Variants in SPG21 observed in about 807,000 individuals in gnomAD.
SPG21 encodes maspardin.
A neutral mutation model predicts 38.9 loss-of-function variants in SPG21; 26 were observed. The observed-to-expected ratio is 0.67, with a 90% CI of 0.49 to 0.93. SPG21 has a LOEUF of 0.93. SPG21 is among the 40% of genes least tolerant of loss of function. The pLI is 0.00. For missense variants in SPG21, 333 were observed against 376.5 expected, an observed-to-expected ratio of 0.88 and a Z score of 0.96; for synonymous variants, 136 against 128.9, an observed-to-expected ratio of 1.05 and a Z score of -0.37.
At chr15:64,972,554 T>C (rs1189459622) in intron 5 of SPG21, among the ~76,000 whole-genome samples, 1 of 151,974 alleles carries the variant, frequency 6.6e-6, no homozygotes, top group Non-Finnish European at 1.5e-5. Flanking sequence ...AAAAAATAGC[T>C]GGGCACAGTG....
chr15:64,984,426 C>T (rs770653722), intron 1 of SPG21, among the ~76,000 whole-genome samples: 1 of 152,166 alleles, frequency 6.6e-6, no homozygotes, highest in Non-Finnish European at 1.5e-5. Context: ...AATCACAGCT[C>T]ACCACAGCCT....
intron 5 of SPG21, among the ~76,000 whole-genome samples, chr15:64,973,920 G>C (rs2085723166): frequency 1.3e-5 from 2 of 152,166 alleles, no homozygotes; most frequent in South Asian, 4.1e-4. Context: ...ATTTACTGTA[G>C]AATGTGATGA....
intron 2 of SPG21, among the ~76,000 whole-genome samples, chr15:64,981,847 C>A (rs1409006188): frequency 2.0e-5 from 3 of 152,182 alleles, no homozygotes; most frequent in Non-Finnish European, 4.4e-5. Context: ...AAACATTTGA[C>A]AATGCAAATC....
At chr15:64,969,698 T>G (rs924894027) in intron 6 of SPG21, among the ~76,000 whole-genome samples, 7 of 151,902 alleles carry the variant, frequency 4.6e-5, no homozygotes, top group Middle Eastern at 3.4e-3. Flanking sequence ...TTTTTTTTTT[T>G]TTTTTAAGAT....
chr15:64,969,957 G>C (rs2085627892), intron 6 of SPG21, among the ~76,000 whole-genome samples, 157 bp downstream of exon 6: 1 of 152,140 alleles, frequency 6.6e-6, no homozygotes, highest in South Asian at 2.1e-4. Context: ...CACTGATGTA[G>C]GCAAGCCCTT....
At chr15:64,982,049 T>C (rs2085894741) in intron 2 of SPG21, among the ~76,000 whole-genome samples, 1 of 152,138 alleles carries the variant, frequency 6.6e-6, no homozygotes, top group African/African-American at 2.4e-5. Flanking sequence ...ACAGTTCCCT[T>C]TGGACTTCCA....
Position 64,983,541 on chromosome 15 carries a change from TA to T in SPG21, c.28del (p.Tyr10IlefsTer57). On this transcript the variant is annotated frameshift_variant, in exon 2 of 9. Transcript: ENST00000204566. LOFTEE classifies it high-confidence loss of function. The stretch of plus-strand genomic sequence containing the variant: ...GGGAACTGTACCTCTAAACCAGTTA[TA>T]ATCAGGAGAGACTTTAATCTCTCCC... MGEIKVSPD[Y>X]NWFRGTVPLK... 1 of 1,579,752 alleles carries T rather than the reference TA, an allele frequency of 6.3e-7. No individual in the cohort carries two copies. The highest frequency in any genetic ancestry group is 8.6e-7 in the Non-Finnish European group (1 of 1,158,886).
intron 3 of SPG21, among the ~76,000 whole-genome samples, chr15:64,980,478 G>A (rs761699274): frequency 1.8e-4 from 28 of 152,030 alleles, no homozygotes; most frequent in Non-Finnish European, 3.1e-4. Flanking sequence ...GTGGCTCGTG[G>A]CTGTAATCTC....
intron 7 of SPG21, among the ~76,000 whole-genome samples, chr15:64,968,706 C>A (rs906250800): frequency 5.3e-5 from 8 of 151,994 alleles, no homozygotes; most frequent in Non-Finnish European, 1.2e-4. Context: ...CATTTTACCA[C>A]AATAAAAAAA....
At chr15:64,967,672 C>T (rs972396445) in intron 7 of SPG21, among the ~76,000 whole-genome samples, 1 of 152,116 alleles carries the variant, frequency 6.6e-6, no homozygotes, top group Non-Finnish European at 1.5e-5. Flanking sequence ...CGGGTTTCAC[C>T]ACGTTGGCCA....
At chr15:64,980,834 T>C (rs749581099) in intron 3 of SPG21, 30 bp downstream of exon 3, 4 of 1,577,056 alleles carry the variant, frequency 2.5e-6, no homozygotes, top group African/African-American at 1.4e-5. Flanking sequence ...ACACAAAACG[T>C]GGGTCTGAAT....
chr15:64,968,695 A>C (rs2085598190), intron 7 of SPG21, among the ~76,000 whole-genome samples: 2 of 152,230 alleles, frequency 1.3e-5, no homozygotes, highest in South Asian at 2.1e-4. Flanking sequence ...TTTTAAATGT[A>C]CATTTTACCA....
rs574862715 is a variant in SPG21, at chr15:64,969,259, A to G, written c.665T>C (p.Met222Thr). 12 of 1,600,658 alleles carry G rather than the reference A, an allele frequency of 7.5e-6. No individual in the cohort carries two copies. In the South Asian group the frequency reaches 9.9e-5, roughly 13 times the overall value. The part of the protein sequence containing the change: ...HKIRDIPVTI[M>T]DVFDQSALST... ...TTTACTTAAAAGGAAGCTTACATCC[A>G]TAATAGTTACAGGTATGTCCCGAAT... Residue 222 changes from methionine (M) to threonine (T), a missense_variant, in exon 7 of 9, where the codon ATG becomes ACG. Coordinates refer to ENST00000204566, the MANE Select transcript of SPG21 (RefSeq NM_016630.7).
intron 7 of SPG21, among the ~76,000 whole-genome samples, chr15:64,967,935 T>C (rs1327269373): frequency 6.6e-6 from 1 of 152,170 alleles, no homozygotes; most frequent in African/African-American, 2.4e-5. Flanking sequence ...CCAATGTTCA[T>C]AGAAGCACTA....
chr15:64,966,315 C>T (rs1481365736), intron 7 of SPG21, among the ~76,000 whole-genome samples: 1 of 151,944 alleles, frequency 6.6e-6, no homozygotes, highest in African/African-American at 2.4e-5. Flanking sequence ...CAAAATTTTT[C>T]AAAAAGTAAA....
chr15:64,975,758 T>A (rs1055380858), intron 4 of SPG21, among the ~76,000 whole-genome samples: 1 of 152,152 alleles, frequency 6.6e-6, no homozygotes, highest in African/African-American at 2.4e-5. Context: ...GGCATATTTA[T>A]AAAAATATGA....
intron 1 of SPG21, among the ~76,000 whole-genome samples, chr15:64,986,680 A>AAAAAC (rs5813336): frequency 0.52 from 76,547 of 148,630 alleles, 20,258 homozygotes; most frequent in East Asian, 0.7. Flanking sequence ...AGTCTGTCTC[A>AAAAAC]AAAACAAAAC....
At chr15:64,970,761 CAG>C (rs1352841682) in intron 5 of SPG21, among the ~76,000 whole-genome samples, 5 of 152,076 alleles carry the variant, frequency 3.3e-5, no homozygotes, top group Non-Finnish European at 7.4e-5. Flanking sequence ...TTTTTTGAGA[CAG>C]AGTCTCAGTC....
At chr15:64,976,932 G>A (rs1046001100) in intron 3 of SPG21, among the ~76,000 whole-genome samples, 5 of 152,208 alleles carry the variant, frequency 3.3e-5, no homozygotes, top group African/African-American at 7.2e-5. Flanking sequence ...TATGGCTCAG[G>A]AGAGATGGAA....
Sources: allele counts gnomAD v4.1 joint callset (sites outside exome capture counted in the v4.1 genomes callset), GRCh38; gene constraint gnomAD v4.1.1; transcripts MANE v1.5; gene names NCBI Gene and HGNC (gene_info 2026-07-23, HGNC 2026-07-21).